The following WWP2 variants were observed in gnomAD, a reference collection of about 807,000 sequenced individuals.
WWP2 encodes NEDD4-like E3 ubiquitin-protein ligase WWP2.
A neutral mutation model predicts 121.0 loss-of-function variants in WWP2; 57 were observed. The observed-to-expected ratio is 0.47, with a 90% CI of 0.38 to 0.59. The LOEUF (loss-of-function observed/expected upper bound fraction) is 0.59. WWP2 is among the 20% of genes least tolerant of loss of function. The pLI, the probability that WWP2 is intolerant of heterozygous loss-of-function variation, is 0.00. For missense variants in WWP2, 962 were observed against 1,158.9 expected, an observed-to-expected ratio of 0.83 and a Z score of 2.47; for synonymous variants, 449 against 441.3, an observed-to-expected ratio of 1.02 and a Z score of -0.22.
intron 23 of WWP2, 92 bp downstream of exon 23, chr16:69,939,505 G>T: frequency 1.5e-6 from 2 of 1,367,438 alleles, no homozygotes; most frequent in South Asian, 2.5e-5. Flanking sequence ...TCATAGCCTC[G>T]AGTCTGGCAG....
At chr16:69,927,139 A>G (rs1007339041) in intron 11 of WWP2, among the ~76,000 whole-genome samples, 1 of 152,196 alleles carries the variant, frequency 6.6e-6, no homozygotes, top group Non-Finnish European at 1.5e-5. Flanking sequence ...ATAGTCTAGA[A>G]TTAAGAGGAA....
chr16:69,772,583 A>T (rs568489382), intron 1 of WWP2, among the ~76,000 whole-genome samples: 1 of 152,294 alleles, frequency 6.6e-6, no homozygotes, highest in East Asian at 1.9e-4. Flanking sequence ...GCTCAGGGGC[A>T]GTTTTGCTGT....
intron 10 of WWP2, among the ~76,000 whole-genome samples, chr16:69,921,683 A>G (rs2058564170): frequency 6.6e-6 from 1 of 152,160 alleles, no homozygotes; most frequent in African/African-American, 2.4e-5. Flanking sequence ...GCTGGGACCC[A>G]CTGAAGATGC....
chr16:69,896,870 A>T (rs1400729618), intron 8 of WWP2, among the ~76,000 whole-genome samples: 1 of 152,100 alleles, frequency 6.6e-6, no homozygotes. Flanking sequence ...CTCATCTTGC[A>T]AGTGAGGAGA....
At chr16:69,880,914 A>G (rs980156883) in intron 7 of WWP2, among the ~76,000 whole-genome samples, 2 of 152,232 alleles carry the variant, frequency 1.3e-5, no homozygotes, top group African/African-American at 4.8e-5. Context: ...CACGCACCTA[A>G]GCATCTTGGA....
chr16:69,876,243 C>G (rs2057733129), intron 7 of WWP2, among the ~76,000 whole-genome samples: 1 of 152,022 alleles, frequency 6.6e-6, no homozygotes, highest in Non-Finnish European at 1.5e-5. Flanking sequence ...TAGGCTTAAG[C>G]CTTTAGGAGG....
chr16:69,917,601 C>G lies in WWP2; in HGVS notation c.1005-108C>G. 5 of 1,366,238 alleles carry G rather than the reference C, an allele frequency of 3.7e-6. No individual in the cohort carries two copies. In the South Asian group the frequency reaches 7.1e-5, roughly 19 times the overall value. 84.6% of individuals were successfully genotyped at this position (1,366,238 alleles called of 1,614,324 possible). On this transcript the variant is annotated intron_variant, in intron 9 of 23. Transcript: ENST00000359154. Reference sequence around the variant, plus strand: ...CTATAATCAGCTAAGCCCCAGCAACCTCTGTGACAGGGCCTGCCCGGCTGT... The same window carrying G: ...CTATAATCAGCTAAGCCCCAGCAACGTCTGTGACAGGGCCTGCCCGGCTGT...
Position 69,912,018 on chromosome 16 carries a change from G to A in WWP2, c.1004+3168G>A, listed in dbSNP as rs559923177. On this transcript the variant is annotated intron_variant, in intron 9 of 23. Transcript: ENST00000359154. ...TGAGATTAAAACCTTGGCTGGGCTC[G>A]GTTGCTCACGCCTGTAATCCCAGCA... 4.7e-4 allele frequency among the ~76,000 whole-genome samples: 71 copies of A among 152,140 alleles called. No homozygotes were observed. In the South Asian group the frequency reaches 5.4e-3, roughly 12 times the overall value.
chr16:69,821,415 G>C (rs373475591), intron 4 of WWP2, among the ~76,000 whole-genome samples: 1 of 152,194 alleles, frequency 6.6e-6, no homozygotes, highest in East Asian at 1.9e-4. Flanking sequence ...TGCACCCTGT[G>C]TCACTGAGTG....
intron 10 of WWP2, among the ~76,000 whole-genome samples, chr16:69,922,593 C>A: frequency 6.6e-6 from 1 of 152,238 alleles, no homozygotes; most frequent in Non-Finnish European, 1.5e-5. Context: ...AACACCTTGA[C>A]ATCTCTCATT....
At chr16:69,808,535 G>T (rs2056326472) in intron 4 of WWP2, among the ~76,000 whole-genome samples, 1 of 152,106 alleles carries the variant, frequency 6.6e-6, no homozygotes, top group Non-Finnish European at 1.5e-5. Context: ...CTGAATAGTT[G>T]ACATTACAGG....
intron 6 of WWP2, among the ~76,000 whole-genome samples, chr16:69,858,235 G>T (rs925562879): frequency 6.6e-6 from 1 of 151,988 alleles, no homozygotes; most frequent in East Asian, 1.9e-4. Context: ...TGGTTTTTTT[G>T]GGGAGGAAGG....
At chr16:69,787,241 A>C (rs1406402055) in intron 2 of WWP2, among the ~76,000 whole-genome samples, 161 bp downstream of exon 2, 1 of 152,264 alleles carries the variant, frequency 6.6e-6, no homozygotes, top group East Asian at 1.9e-4. Context: ...TTCTTGAAGA[A>C]GAAAGAAAAT....
At chr16:69,938,293 C>T (rs1475982817) in intron 21 of WWP2, among the ~76,000 whole-genome samples, 2 of 152,066 alleles carry the variant, frequency 1.3e-5, no homozygotes, top group Non-Finnish European at 2.9e-5. Context: ...GGATTACAGG[C>T]GTGAGCCACT....
At chr16:69,801,585 G>A (rs1446880466) in intron 4 of WWP2, among the ~76,000 whole-genome samples, 1 of 152,080 alleles carries the variant, frequency 6.6e-6, no homozygotes, top group Non-Finnish European at 1.5e-5. Flanking sequence ...TGCTCAGGCT[G>A]GAGTGTAGTG....
intron 9 of WWP2, among the ~76,000 whole-genome samples, chr16:69,916,601 G>A (rs1336175313): frequency 6.6e-6 from 1 of 152,142 alleles, no homozygotes. Flanking sequence ...CAGGGAGACT[G>A]AAAAAGCAGC....
intron 4 of WWP2, among the ~76,000 whole-genome samples, chr16:69,829,360 T>C (rs756069959): frequency 2.0e-5 from 3 of 152,214 alleles, no homozygotes; most frequent in Non-Finnish European, 4.4e-5. Flanking sequence ...TTTAGCACTG[T>C]GCAGTGGCTC....
chr16:69,890,493 T>A (rs2058006174), intron 8 of WWP2, among the ~76,000 whole-genome samples: 1 of 152,196 alleles, frequency 6.6e-6, no homozygotes. Context: ...TAAGGAATAC[T>A]CGAAAGACCT....
chr16:69,893,559 TTG>T (rs2058062764), intron 8 of WWP2, among the ~76,000 whole-genome samples: 1 of 142,014 alleles, frequency 7.0e-6, no homozygotes, highest in Admixed American at 6.8e-5. Flanking sequence ...GCTGTTTTTT[TTG>T]TTTGTTTGTT....
Sources: gnomAD v4.1 joint callset for allele counts (sites outside exome capture counted in the v4.1 genomes callset) on GRCh38, gnomAD v4.1.1 for gene constraint, MANE v1.5 for transcripts, NCBI Gene and HGNC (gene_info 2026-07-23, HGNC 2026-07-21) for gene names.